OR3A2: variants seen among roughly 807,000 people sequenced by gnomAD.
OR3A2 encodes the protein olfactory receptor 3A2.
For synonymous variants in OR3A2, 126 were observed against 159.3 expected, an observed-to-expected ratio of 0.79 and a Z score of 1.57; for missense variants, 318 against 392.8, an observed-to-expected ratio of 0.81 and a Z score of 1.61.
rs1567539580 is a variant in OR3A2 at position 3,278,714 on chromosome 17, GT to G, written c.203del (p.Asn68ThrfsTer51). 1 of 1,330,476 alleles carries G rather than the reference GT, an allele frequency of 7.5e-7. No individual in the cohort carries two copies. The highest frequency in any genetic ancestry group is 2.5e-5 in the East Asian group (1 of 40,062). The allele number at this position is 1,330,476 out of a possible 1,614,324, so 82.4% of individuals were successfully genotyped here. The stretch of plus-strand genomic sequence containing the variant: ...TACATCCGACATCCAGCACTGACAG[GT>G]TCCCCAGGAAGAAGTACATGGGGGC... On this transcript the variant is annotated frameshift_variant, in exon 2 of 2. Coordinates refer to ENST00000642052, the Ensembl canonical transcript of OR3A2. LOFTEE classifies it low-confidence loss of function (END_TRUNC).
Position 3,291,988 on chromosome 17 carries a change from C to G in OR3A2, c.-84-12835G>C, listed in dbSNP as rs571849979. The G allele has an allele frequency of 8.7e-6, 14 of 1,614,070 alleles. No homozygotes were observed. The Admixed American group carries it at 2.3e-4, about 27-fold the overall frequency. ...AAACCCACAGCAAAAAGCAGCAGCT[C>G]ATTGAGTTGGGTGCTGGAGCAGGAG... On this transcript the variant is annotated intron_variant, in intron 3 of 4. Coordinates refer to the OR3A2 transcript ENST00000573491.
At chr17:3,302,258 G>A (rs1434293252) in intron 3 of OR3A2, among the ~76,000 whole-genome samples, 2 of 152,106 alleles carry the variant, frequency 1.3e-5, no homozygotes, top group East Asian at 1.9e-4. Context: ...AAGTTCATAT[G>A]GAACCAAAAA....
chr17:3,319,133 C>T (rs2150634562), intron 3 of OR3A2, among the ~76,000 whole-genome samples: 1 of 152,210 alleles, frequency 6.6e-6, no homozygotes, highest in South Asian at 2.1e-4. Context: ...AAAACAGTGT[C>T]CCTCCACTAA....
At chr17:3,342,083 C>T (rs989963567) in intron 2 of OR3A2, among the ~76,000 whole-genome samples, 4 of 151,804 alleles carry the variant, frequency 2.6e-5, no homozygotes, top group South Asian at 2.1e-4. Context: ...GCATGCGTCA[C>T]GTAGTTCTTG....
At chr17:3,322,765 AT>A (rs1273916940) in intron 3 of OR3A2, among the ~76,000 whole-genome samples, 2 of 152,060 alleles carry the variant, frequency 1.3e-5, no homozygotes, top group African/African-American at 4.8e-5. Context: ...GTTCTTTTAC[AT>A]TTGCTGAGGA....
intron 2 of OR3A2, among the ~76,000 whole-genome samples, chr17:3,357,643 T>C (rs1433112727): frequency 6.6e-6 from 1 of 151,602 alleles, no homozygotes; most frequent in African/African-American, 2.4e-5. Context: ...ATGCTGGTGA[T>C]GGCTGCAGAA....
chr17:3,317,552 G>C (rs2049089038), intron 3 of OR3A2, among the ~76,000 whole-genome samples: 1 of 152,112 alleles, frequency 6.6e-6, no homozygotes, highest in Non-Finnish European at 1.5e-5. Context: ...GGCTAACACT[G>C]CTCCTTGCTA....
At chr17:3,296,315 AT>A (rs1473016943) in intron 3 of OR3A2, among the ~76,000 whole-genome samples, 4 of 152,198 alleles carry the variant, frequency 2.6e-5, no homozygotes. Flanking sequence ...ACAGCAGCAC[AT>A]TTTAAAAAAT....
At chr17:3,300,536 G>C (rs1331811923) in intron 3 of OR3A2, among the ~76,000 whole-genome samples, 1 of 152,042 alleles carries the variant, frequency 6.6e-6, no homozygotes, top group African/African-American at 2.4e-5. Flanking sequence ...TCCAACCTGG[G>C]CAACAGAGTG....
At chr17:3,306,318 A>AC (rs1372322458) in intron 3 of OR3A2, among the ~76,000 whole-genome samples, 4 of 151,348 alleles carry the variant, frequency 2.6e-5, no homozygotes, top group Non-Finnish European at 2.9e-5. Context: ...CAGTCAGCTA[A>AC]TTTTTTTTGT....
At chr17:3,292,219 C>T (rs1011271162) in intron 3 of OR3A2, 13 of 1,614,036 alleles carry the variant, frequency 8.1e-6, no homozygotes, top group Non-Finnish European at 1.1e-5. Context: ...CGGTCATAGG[C>T]CATGGCGGTC....
intron 2 of OR3A2, among the ~76,000 whole-genome samples, chr17:3,341,309 A>G (rs928934662): frequency 6.6e-6 from 1 of 152,158 alleles, no homozygotes; most frequent in South Asian, 2.1e-4. Flanking sequence ...TGTCATTATG[A>G]TGTTAGCTGG....
At chr17:3,336,233 C>T (rs2049273905) in intron 2 of OR3A2, 107 bp from the exon 2 acceptor site, 1 of 152,170 alleles carries the variant, frequency 6.6e-6, no homozygotes. Context: ...GAACAACTCA[C>T]AGTACAGTGC....
intron 2 of OR3A2, among the ~76,000 whole-genome samples, chr17:3,380,667 A>G (rs2049726996): frequency 6.6e-6 from 1 of 152,190 alleles, no homozygotes. Context: ...TTGGAATACA[A>G]AGGGCTCATC....
intron 3 of OR3A2, chr17:3,292,565 C>T (rs1200924191): frequency 6.2e-7 from 1 of 1,608,182 alleles, no homozygotes; most frequent in Non-Finnish European, 8.5e-7. Context: ...TTCCATTGGC[C>T]CCAGATTCTG....
chr17:3,292,107 G>A (rs953582456), intron 3 of OR3A2: 1 of 1,614,096 alleles, frequency 6.2e-7, no homozygotes, highest in Non-Finnish European at 8.5e-7. Flanking sequence ...GTGGGTCAGT[G>A]CGTTGGTGAA....
chr17:3,289,989 T>C (rs1055300975), intron 3 of OR3A2, among the ~76,000 whole-genome samples: 2 of 152,154 alleles, frequency 1.3e-5, no homozygotes, highest in Non-Finnish European at 2.9e-5. Flanking sequence ...TTTAGATACG[T>C]AGCTGGAGAA....
intron 2 of OR3A2, among the ~76,000 whole-genome samples, chr17:3,347,691 G>A (rs1277299289): frequency 6.6e-6 from 1 of 152,186 alleles, no homozygotes; most frequent in Non-Finnish European, 1.5e-5. Context: ...TGTGAATAAT[G>A]CCGCAATAAA....
At chr17:3,328,017 T>C (rs1337957597) in intron 3 of OR3A2, among the ~76,000 whole-genome samples, 2 of 139,262 alleles carry the variant, frequency 1.4e-5, no homozygotes, top group East Asian at 4.2e-4. Context: ...TTCTTTTGGC[T>C]TAGGATTGCC....
Sources: allele counts gnomAD v4.1 joint callset (sites outside exome capture counted in the v4.1 genomes callset), GRCh38; gene constraint gnomAD v4.1.1; transcripts MANE v1.5; gene names NCBI Gene and HGNC (gene_info 2026-07-23, HGNC 2026-07-21).